Variants in IRF2BPL observed in about 807,000 individuals in gnomAD.
The protein encoded by IRF2BPL is interferon regulatory factor 2 binding protein like.
Under a neutral mutation model 51.2 loss-of-function variants are expected in IRF2BPL, and 13 were observed. The ratio of observed to expected loss-of-function variants is 0.25; its 90% CI spans 0.17 to 0.40. The LOEUF (loss-of-function observed/expected upper bound fraction) is 0.40, where lower values mean the gene tolerates loss of function less well. Among genes scored for constraint, IRF2BPL ranks in the 10% least tolerant of loss-of-function variants. IRF2BPL has a pLI of 1.00. For synonymous variants in IRF2BPL, 768 were observed against 509.2 expected (o/e 1.51, Z -6.84); for missense variants, 1,210 against 1,111.8 (o/e 1.09, Z -1.26).
At position 77,025,846 on chromosome 14, in the gene IRF2BPL, G is replaced by C. The variant is rs757209303; in HGVS notation, c.1947C>G (p.Thr649=). ...TGCTGTTTCGCCGCGCCGACGCAGT[G>C]GTAGAGTGCACGGAACTGCCATCCT... The part of the protein sequence containing the change: ...SPKDGSSVHS[T]TASARRNSSS... The change falls in exon 1 of 1, where the codon ACC becomes ACG. Residue 649 remains threonine (T), a synonymous_variant. Coordinates refer to ENST00000238647, the MANE Select transcript of IRF2BPL (RefSeq NM_024496.4). 2 of 1,612,616 alleles carry C rather than the reference G, an allele frequency of 1.2e-6. No homozygotes were observed. The highest frequency in any genetic ancestry group is 2.2e-5 in the East Asian group (1 of 44,874).
chr14:77,025,004 TC>T lies in IRF2BPL; in HGVS notation c.*397del, dbSNP rs1885067117. The T allele has an allele frequency of 7.0e-6, 1 of 142,674 alleles. No homozygotes were observed. The highest frequency in any genetic ancestry group is 7.4e-5 in the Admixed American group (1 of 13,542). The allele number at this position is 142,674 out of a possible 1,614,324, so 8.8% of individuals were successfully genotyped here. On this transcript the variant is annotated 3_prime_UTR_variant, in exon 1 of 1. Transcript: ENST00000238647. ...AAAAAAAAAAAAAAAAAAGTCTTTT[TC>T]TTTTGTGTGTGTTTTTCCTTTCAGA... is the stretch of plus-strand genomic sequence containing the variant.
rs1282837244 is a variant in IRF2BPL, at chr14:77,026,938, C to A, written c.855G>T (p.Pro285=). The A allele has an allele frequency of 2.0e-6, 3 of 1,465,386 alleles. 1 individual carries two copies. In the South Asian group the frequency reaches 4.2e-5, roughly 21 times the overall value. 90.8% of individuals were successfully genotyped at this position (1,465,386 alleles called of 1,614,324 possible). A position where few individuals can be genotyped will look rare whatever the true frequency, so the allele number is the denominator to read the frequency against. ...PPHALGSRGP[P]TPAPPGAPGG... ...CAGGAGCCCCTGGGGGAGCAGGCGT[C>A]GGGGGCCCACGGCTGCCCAGGGCGT... Residue 285 remains proline (P), a synonymous_variant, in exon 1 of 1, where the codon CCG becomes CCT. Transcript: ENST00000238647.
rs1201563555 is a variant in IRF2BPL at position 77,026,030 on chromosome 14, G to C, written c.1763C>G (p.Ala588Gly). The change falls in exon 1 of 1, where the codon GCG (alanine) becomes GGG (glycine). Residue 588 changes from alanine (A) to glycine (G), a missense_variant. Physicochemically the swap from Ala to Gly is moderately conservative, Grantham distance 60. Coordinates refer to ENST00000238647, the MANE Select transcript of IRF2BPL (RefSeq NM_024496.4). ...CGGACCCCCCGCCGCGTGCCCCGGC[G>C]CCGCGAAGCCCCCGGCGGACATGGT... ...KLTMSAGGFA[A>G]PGHAAGGPPP... The C allele has an allele frequency of 1.3e-6, 2 of 1,563,508 alleles. No homozygotes were observed. The highest frequency in any genetic ancestry group is 3.8e-5 in the Admixed American group (2 of 52,766).
In IRF2BPL at chr14:77,025,770, G is replaced by C; in HGVS notation, c.2023C>G (p.Arg675Gly). The change falls in exon 1 of 1, where the codon CGT (arginine) becomes GGT (glycine). Residue 675 changes from arginine (R) to glycine (G), a missense_variant. Transcript: ENST00000238647. ...SVPGQRRLAS[R>G]NGDLNLQVAP... ...ACCTGTAAATTCAGGTCCCCGTTAC[G>C]TGATGCCAAGCGGCGCTGCCCCGGC... 6.2e-7 allele frequency: 1 copy of C among 1,606,742 alleles called. No homozygotes were observed. The highest frequency in any genetic ancestry group is 8.5e-7 in the Non-Finnish European group (1 of 1,176,230).
rs781248415 is a variant in IRF2BPL, at chr14:77,027,469, CTGT to C, written c.321_323del (p.Gln127del). ...GCTGCTGTTGCTGCTGCTGCTGCTG[CTGT>C]TGCTGTTGCTGTTGCGCGGCGGCGG... On this transcript the variant is annotated inframe_deletion, in exon 1 of 1. Coordinates refer to ENST00000238647, the MANE Select transcript of IRF2BPL (RefSeq NM_024496.4). 3.2e-3 allele frequency: 4,398 copies of C among 1,382,694 alleles called. 33 individuals are homozygous for C. Among genetic ancestry groups the C allele is most frequent in the Middle Eastern group, 0.011 (43 of 3,796 alleles). 85.7% of individuals were successfully genotyped at this position (1,382,694 alleles called of 1,614,324 possible).
rs926165221 is a variant in IRF2BPL, at chr14:77,027,335, G to T, written c.458C>A (p.Ala153Asp). ...PSGLERYGLS[A>D]AAAAAAAAAA... is the part of the protein sequence containing the mutation. Reference sequence around the variant, plus strand: ...GGCGGCGGCGGCGGCGGCGGCGGCAGCGCTTAGGCCGTAGCGCTCCAGGCC... The same window carrying T: ...GGCGGCGGCGGCGGCGGCGGCGGCATCGCTTAGGCCGTAGCGCTCCAGGCC... Residue 153 changes from alanine (A) to aspartate (D), a missense_variant, in exon 1 of 1, where the codon GCT (alanine) becomes GAT (aspartate). Transcript: ENST00000238647. 2 of 1,529,932 alleles carry T rather than the reference G, an allele frequency of 1.3e-6. No individual in the cohort carries two copies. The highest frequency in any genetic ancestry group is 1.7e-6 in the Non-Finnish European group (2 of 1,144,414). The allele number at this position is 1,529,932 out of a possible 1,614,324, so 94.8% of individuals were successfully genotyped here.
Position 77,025,911 on chromosome 14 carries a change from T to A in IRF2BPL, c.1882A>T (p.Met628Leu), listed in dbSNP as rs1885099550. 2 of 1,610,796 alleles carry A rather than the reference T, an allele frequency of 1.2e-6. No homozygotes were observed. Among genetic ancestry groups the A allele is most frequent in the African/African-American group, 1.3e-5 (1 of 74,588 alleles). Reference sequence around the variant, plus strand: ...GTGCCCAGAGTATCTGCCACCGACATGAGAGCGGCCATAGGGGACGGACCG... The same window carrying A: ...GTGCCCAGAGTATCTGCCACCGACAAGAGAGCGGCCATAGGGGACGGACCG... The part of the protein sequence containing the change: ...QNGPSPMAAL[M>L]SVADTLGTAH... Residue 628 changes from methionine to leucine, a missense_variant, in exon 1 of 1, where the codon ATG becomes TTG. Met to Leu is a conservative substitution (Grantham distance 15, BLOSUM62 2). Transcript: ENST00000238647.
Position 77,026,241 on chromosome 14 carries a change from G to C in IRF2BPL, c.1552C>G (p.Pro518Ala). 1.4e-6 allele frequency: 2 copies of C among 1,437,568 alleles called. No individual in the cohort carries two copies. The highest frequency in any genetic ancestry group is 9.1e-7 in the Non-Finnish European group (1 of 1,100,364). The allele number at this position is 1,437,568 out of a possible 1,614,324, so 89.1% of individuals were successfully genotyped here. A position where few individuals can be genotyped will look rare whatever the true frequency, so the allele number is the denominator to read the frequency against. Residue 518 changes from proline (P) to alanine (A), a missense_variant, in exon 1 of 1, where the codon CCC becomes GCC. Coordinates refer to ENST00000238647, the MANE Select transcript of IRF2BPL (RefSeq NM_024496.4). ...PTALVSLSRA[P>A]SAPPGTGALP... ...GCCCCGGTCCCCGGGGGTGCGCTGG[G>C]GGCGCGGCTCAGACTCACCAGAGCA...
rs763745996 is a variant in IRF2BPL, at chr14:77,027,819, C to T, written c.-27G>A. ...ATGCCTGCCCTGGGGAAGGTAGGCC[C>T]CCGCCCGGGCTGTCTCCGCGGCGCC... On this transcript the variant is annotated 5_prime_UTR_variant, in exon 1 of 1. Coordinates refer to ENST00000238647, the MANE Select transcript of IRF2BPL (RefSeq NM_024496.4). 2.0e-6 allele frequency: 3 copies of T among 1,487,830 alleles called. No homozygotes were observed. Among genetic ancestry groups the T allele is most frequent in the Non-Finnish European group, 2.7e-6 (3 of 1,112,192 alleles). 92.2% of individuals were successfully genotyped at this position (1,487,830 alleles called of 1,614,324 possible). A position where few individuals can be genotyped will look rare whatever the true frequency, so the allele number is the denominator to read the frequency against.
Position 77,026,006 on chromosome 14 carries a change from G to A in IRF2BPL, c.1787C>T (p.Pro596Leu). Reference protein sequence around the residue: ...FAAPGHAAGGPPPPPPPLGPH... With the variant: ...FAAPGHAAGGLPPPPPPLGPH... ...TCCCAGAGGTGGGGGCGGCGGAGGC[G>A]GACCCCCCGCCGCGTGCCCCGGCGC... The change falls in exon 1 of 1, where the codon CCG (proline) becomes CTG (leucine). Residue 596 changes from proline (P) to leucine (L), a missense_variant. Coordinates refer to ENST00000238647, the MANE Select transcript of IRF2BPL (RefSeq NM_024496.4). 6.4e-7 allele frequency: 1 copy of A among 1,566,790 alleles called. No homozygotes were observed. Among genetic ancestry groups the A allele is most frequent in the Non-Finnish European group, 8.6e-7 (1 of 1,157,430 alleles).
Position 77,027,870 on chromosome 14 carries a change from T to TGGGGAGGGAGTCCGACTGCG in IRF2BPL, c.-98_-79dup, listed in dbSNP as rs1441525092. On this transcript the variant is annotated 5_prime_UTR_variant, in exon 1 of 1. Transcript: ENST00000238647. ...TTCTCCTCCGGGAGGACTGGCCGGC[T>TGGGGAGGGAGTCCGACTGCG]GGGGAGGGAGTCCGACTGCGGGGGA... is the stretch of plus-strand genomic sequence containing the variant. The TGGGGAGGGAGTCCGACTGCG allele has an allele frequency of 2.8e-4, 394 of 1,392,508 alleles. 3 individuals carry two copies. In the African/African-American group the frequency reaches 5.4e-3, roughly 19 times the overall value. 86.3% of individuals were successfully genotyped at this position (1,392,508 alleles called of 1,614,324 possible).
chr14:77,027,590 C>G lies in IRF2BPL; in HGVS notation c.203G>C (p.Arg68Pro). The G allele has an allele frequency of 6.4e-7, 1 of 1,571,580 alleles. No homozygotes were observed. The highest frequency in any genetic ancestry group is 8.6e-7 in the Non-Finnish European group (1 of 1,160,640). Residue 68 changes from arginine to proline, a missense_variant, in exon 1 of 1, where the codon CGC (arginine) becomes CCC (proline). Coordinates refer to ENST00000238647, the MANE Select transcript of IRF2BPL (RefSeq NM_024496.4). ...GACGGGCGGCGGCGGCCCGGGGGAG[C>G]GGCCGTCCTGGAAGCAGCCGTGCGC... ...KRAHGCFQDG[R>P]SPGPPPPVGV... is the part of the protein sequence containing the mutation.
At position 77,025,240 on chromosome 14, in the gene IRF2BPL, G is replaced by A; in HGVS notation, c.*162C>T. The A allele has an allele frequency of 4.3e-6, 2 of 464,600 alleles. No individual in the cohort carries two copies. Among genetic ancestry groups the A allele is most frequent in the African/African-American group, 2.0e-5 (1 of 50,564 alleles). 28.8% of individuals were successfully genotyped at this position (464,600 alleles called of 1,614,324 possible). A position where few individuals can be genotyped will look rare whatever the true frequency, so the allele number is the denominator to read the frequency against. On this transcript the variant is annotated 3_prime_UTR_variant, in exon 1 of 1. Coordinates refer to ENST00000238647, the MANE Select transcript of IRF2BPL (RefSeq NM_024496.4). ...GTTTCAAAATATAGAAACATACGAC[G>A]AAAATAATGTCTATACATAAGACTA...
At position 77,026,538 on chromosome 14, in the gene IRF2BPL, G is replaced by T. The variant is rs1327557938; in HGVS notation, c.1255C>A (p.Leu419Met). The T allele has an allele frequency of 6.2e-7, 1 of 1,613,700 alleles. No homozygotes were observed. Among genetic ancestry groups the T allele is most frequent in the Non-Finnish European group, 8.5e-7 (1 of 1,180,034 alleles). ...GAGCCCGTGGGGTACTCAATGAACAGCTTCAATTCGTAGTCCATGCCGGGC... is the reference window on the plus strand; with the variant it reads ...GAGCCCGTGGGGTACTCAATGAACATCTTCAATTCGTAGTCCATGCCGGGC... ...SKPGMDYELK[L>M]FIEYPTGSGN... Residue 419 changes from leucine to methionine, a missense_variant, in exon 1 of 1, where the codon CTG becomes ATG. Leu to Met is a conservative substitution (Grantham distance 15, BLOSUM62 2). Coordinates refer to ENST00000238647, the MANE Select transcript of IRF2BPL (RefSeq NM_024496.4).
Position 77,027,436 on chromosome 14 carries a change from CTGCTGCTGCTGCTGT to C in IRF2BPL, c.342_356del (p.Gln123_Gln127del), listed in dbSNP as rs755548086. 69 of 1,412,858 alleles carry C rather than the reference CTGCTGCTGCTGCTGT, an allele frequency of 4.9e-5. No individual in the cohort carries two copies. Among genetic ancestry groups the C allele is most frequent in the South Asian group, 2.7e-4 (20 of 74,492 alleles). The allele number at this position is 1,412,858 out of a possible 1,614,324, so 87.5% of individuals were successfully genotyped here. A position where few individuals can be genotyped will look rare whatever the true frequency, so the allele number is the denominator to read the frequency against. On this transcript the variant is annotated inframe_deletion, in exon 1 of 1. Transcript: ENST00000238647. ...GCTGTTGTTGCTGCTGCTGCTGCTGCTGCTGCTGCTGCTGTTGCTGCTGCTGCTGCTGCTGTTGCT... is the reference window on the plus strand; with the variant it reads ...GCTGTTGTTGCTGCTGCTGCTGCTGCTGCTGCTGCTGCTGCTGCTGTTGCT...
chr14:77,025,834 C>T lies in IRF2BPL; in HGVS notation c.1959G>A (p.Ala653=). 1 of 1,612,560 alleles carries T rather than the reference C, an allele frequency of 6.2e-7. No homozygotes were observed. Among genetic ancestry groups the T allele is most frequent in the South Asian group, 1.1e-5 (1 of 91,062 alleles). The stretch of plus-strand genomic sequence containing the variant: ...AGACTGGGCTGCTGCTGTTTCGCCG[C>T]GCCGACGCAGTGGTAGAGTGCACGG... ...GSSVHSTTAS[A]RRNSSSPVSP... The change falls in exon 1 of 1, where the codon GCG becomes GCA. Residue 653 remains alanine (A), a synonymous_variant. Coordinates refer to ENST00000238647, the MANE Select transcript of IRF2BPL (RefSeq NM_024496.4).
In IRF2BPL at chr14:77,025,911, T is replaced by C; in HGVS notation, c.1882A>G (p.Met628Val). The stretch of plus-strand genomic sequence containing the variant: ...GTGCCCAGAGTATCTGCCACCGACA[T>C]GAGAGCGGCCATAGGGGACGGACCG... Reference protein sequence around the residue: ...QNGPSPMAALMSVADTLGTAH... With the variant: ...QNGPSPMAALVSVADTLGTAH... Residue 628 changes from methionine to valine, a missense_variant, in exon 1 of 1, where the codon ATG (methionine) becomes GTG (valine). By Grantham distance (21) the Met-to-Val change is conservative (BLOSUM62 1). Coordinates refer to ENST00000238647, the MANE Select transcript of IRF2BPL (RefSeq NM_024496.4). 6.2e-7 allele frequency: 1 copy of C among 1,610,908 alleles called. No homozygotes were observed. The highest frequency in any genetic ancestry group is 8.5e-7 in the Non-Finnish European group (1 of 1,179,182).
rs992079236 is a variant in IRF2BPL at position 77,028,281 on chromosome 14, G to A, written c.-489C>T. On this transcript the variant is annotated 5_prime_UTR_variant, in exon 1 of 1. Coordinates refer to ENST00000238647, the MANE Select transcript of IRF2BPL (RefSeq NM_024496.4). ...CGGGCCCCCTGGGGCGAGGGCCAGA[G>A]GGTTCAGTGCCACCCGGTGCCCGGG... The A allele has an allele frequency of 4.1e-6, 1 of 243,584 alleles. No individual in the cohort carries two copies. Among genetic ancestry groups the A allele is most frequent in the Non-Finnish European group, 8.4e-6 (1 of 118,992 alleles). The allele number at this position is 243,584 out of a possible 1,614,324, so 15.1% of individuals were successfully genotyped here.
chr14:77,027,364 C>G lies in IRF2BPL; in HGVS notation c.429G>C (p.Pro143=), dbSNP rs1293039019. 1 of 1,511,106 alleles carries G rather than the reference C, an allele frequency of 6.6e-7. No individual in the cohort carries two copies. The highest frequency in any genetic ancestry group is 8.8e-7 in the Non-Finnish European group (1 of 1,133,448). 93.6% of individuals were successfully genotyped at this position (1,511,106 alleles called of 1,614,324 possible). A position where few individuals can be genotyped will look rare whatever the true frequency, so the allele number is the denominator to read the frequency against. Residue 143 remains proline (P), a synonymous_variant, in exon 1 of 1, where the codon CCG becomes CCC. Transcript: ENST00000238647. Reference sequence around the variant, plus strand: ...TTAGGCCGTAGCGCTCCAGGCCAGACGGGGCCGCCAGCACCGCAGGCTTGC... The same window carrying G: ...TTAGGCCGTAGCGCTCCAGGCCAGAGGGGGCCGCCAGCACCGCAGGCTTGC... ...GSSKPAVLAA[P]SGLERYGLSA...
Sources: gnomAD v4.1 joint callset for allele counts on GRCh38, gnomAD v4.1.1 for gene constraint, MANE v1.5 for transcripts, NCBI Gene and HGNC (gene_info 2026-07-23, HGNC 2026-07-21) for gene names.